The following PINX1 variants were observed in gnomAD, a reference collection of about 807,000 sequenced individuals.
PINX1 encodes the protein PIN2 (TERF1) interacting telomerase inhibitor 1.
In PINX1, 34 loss-of-function variants were observed where a neutral mutation model predicts 25.4. That is an observed-to-expected ratio of 1.34 (90% confidence interval 1.02 to 1.78). The LOEUF (loss-of-function observed/expected upper bound fraction) is 1.78. PINX1 is among the 40% of genes most tolerant of loss of function. The pLI, the probability that PINX1 is intolerant of heterozygous loss-of-function variation, is 0.00. For missense variants in PINX1, 592 were observed against 404.9 expected (o/e 1.46, Z -3.97); for synonymous variants, 197 against 147.7 (o/e 1.33, Z -2.42).
At position 10,817,019 on chromosome 8, in the gene PINX1, G is replaced by A. The variant is rs963776840; in HGVS notation, c.471+3174C>T. Among the ~76,000 whole-genome samples, 4 of 152,322 alleles carry A rather than the reference G, an allele frequency of 2.6e-5. No individual in the cohort carries two copies. In the South Asian group the frequency reaches 8.3e-4, roughly 32 times the overall value. On this transcript the variant is annotated intron_variant, in intron 6 of 6. Transcript: ENST00000314787. ...TTAATAAAATTGGAATTCTACGATGGCAGTCAGGAGCTGTAGAAATTAAAA... is the reference window on the plus strand; with the variant it reads ...TTAATAAAATTGGAATTCTACGATGACAGTCAGGAGCTGTAGAAATTAAAA...
chr8:10,834,985 G>A (rs1409820289), intron 1 of PINX1, among the ~76,000 whole-genome samples: 10 of 152,162 alleles, frequency 6.6e-5, no homozygotes, highest in Admixed American at 3.9e-4. Flanking sequence ...AGACATATAA[G>A]TTGACCTCTT....
rs1174776901 is a variant in PINX1, at chr8:10,765,868, T to C, written c.520A>G (p.Ser174Gly). ...AAGTACTCCTGGATGGTGAAGGCGC[T>C]GGTTGTCGTGGTTTCGTTCTCCTCT... Reference protein sequence around the residue: ...TPEENETTTTSAFTIQEYFAK... With the variant: ...TPEENETTTTGAFTIQEYFAK... Residue 174 changes from serine (S) to glycine (G), a missense_variant, in exon 7 of 7, where the codon AGC becomes GGC. Transcript: ENST00000314787. The C allele has an allele frequency of 1.9e-6, 3 of 1,613,922 alleles. No homozygotes were observed. Among genetic ancestry groups the C allele is most frequent in the Non-Finnish European group, 2.5e-6 (3 of 1,179,884 alleles).
chr8:10,825,693 C>T (rs749191248), intron 5 of PINX1, among the ~76,000 whole-genome samples: 1 of 152,180 alleles, frequency 6.6e-6, no homozygotes, highest in Admixed American at 6.5e-5. Flanking sequence ...AATAAAGGGT[C>T]AACCAGGGAG....
chr8:10,772,740 G>C (rs1801267399), intron 6 of PINX1, among the ~76,000 whole-genome samples: 1 of 152,136 alleles, frequency 6.6e-6, no homozygotes, highest in Non-Finnish European at 1.5e-5. Context: ...AAAAAGCAAA[G>C]ATACAATAAC....
chr8:10,804,505 G>A (rs1304681411), intron 6 of PINX1, among the ~76,000 whole-genome samples: 1 of 152,124 alleles, frequency 6.6e-6, no homozygotes, highest in African/African-American at 2.4e-5. Context: ...AGCTGCATCT[G>A]TCATACGCTG....
intron 6 of PINX1, among the ~76,000 whole-genome samples, chr8:10,803,421 C>A (rs1273023564): frequency 2.0e-5 from 3 of 152,188 alleles, no homozygotes. Context: ...TTAAATAAAG[C>A]CTACACTAGC....
intron 1 of PINX1, among the ~76,000 whole-genome samples, chr8:10,838,460 T>C (rs1563243639): frequency 6.6e-6 from 1 of 152,246 alleles, no homozygotes; most frequent in Non-Finnish European, 1.5e-5. Context: ...ACTATGTTCA[T>C]GTTCACCATC....
intron 6 of PINX1, among the ~76,000 whole-genome samples, chr8:10,784,209 G>C (rs1260929577): frequency 6.6e-6 from 1 of 152,190 alleles, no homozygotes; most frequent in East Asian, 1.9e-4. Flanking sequence ...ATGAGAGTGA[G>C]GAGGCTGATC....
At chr8:10,836,865 G>A (rs993345498) in intron 1 of PINX1, among the ~76,000 whole-genome samples, 2 of 152,186 alleles carry the variant, frequency 1.3e-5, no homozygotes, top group Admixed American at 1.3e-4. Context: ...TGCTTCCCTG[G>A]AACATTTCCC....
intron 3 of PINX1, among the ~76,000 whole-genome samples, 172 bp from the exon 4 acceptor site, chr8:10,831,915 A>G (rs941771716): frequency 7.2e-5 from 11 of 152,336 alleles, no homozygotes; most frequent in African/African-American, 2.6e-4. Context: ...ATAAAGTTAA[A>G]ATGCTCTTTA....
At chr8:10,831,077 T>A (rs1456318485) in intron 4 of PINX1, among the ~76,000 whole-genome samples, 3 of 152,214 alleles carry the variant, frequency 2.0e-5, no homozygotes, top group Non-Finnish European at 4.4e-5. Context: ...CTGGGAAACA[T>A]GTGGTGCATA....
chr8:10,775,414 T>TG (rs1801359312), intron 6 of PINX1, among the ~76,000 whole-genome samples: 1 of 91,720 alleles, frequency 1.1e-5, no homozygotes, highest in African/African-American at 3.9e-5. Flanking sequence ...TTTGTGGTTT[T>TG]TTTTTTTTTT....
intron 6 of PINX1, chr8:10,787,724 C>A: frequency 2.3e-6 from 1 of 443,932 alleles, no homozygotes; most frequent in Non-Finnish European, 4.5e-6. Context: ...GGTCTCTTTA[C>A]GAAGTGAATA....
chr8:10,814,662 T>C (rs1162127822), intron 6 of PINX1, among the ~76,000 whole-genome samples: 2 of 152,214 alleles, frequency 1.3e-5, no homozygotes, highest in South Asian at 2.1e-4. Context: ...AGAGAAGAAA[T>C]ACTTATTTAT....
At chr8:10,837,341 G>A (rs944352609) in intron 1 of PINX1, among the ~76,000 whole-genome samples, 4 of 152,228 alleles carry the variant, frequency 2.6e-5, no homozygotes, top group Non-Finnish European at 4.4e-5. Flanking sequence ...GTGACTCCCT[G>A]GGGGAGGGCT....
intron 6 of PINX1, among the ~76,000 whole-genome samples, chr8:10,770,551 G>C (rs1403323940): frequency 6.6e-6 from 1 of 152,218 alleles, no homozygotes; most frequent in African/African-American, 2.4e-5. Flanking sequence ...CTACATGAGT[G>C]AGTATCTGCG....
chr8:10,768,639 G>A (rs1319450923), intron 6 of PINX1, among the ~76,000 whole-genome samples: 3 of 152,144 alleles, frequency 2.0e-5, no homozygotes, highest in Admixed American at 6.5e-5. Context: ...TGCTTAATGC[G>A]GGGGTAGCCA....
intron 6 of PINX1, among the ~76,000 whole-genome samples, chr8:10,804,499 G>A (rs1802375087): frequency 6.6e-6 from 1 of 152,108 alleles, no homozygotes; most frequent in South Asian, 2.1e-4. Context: ...TAAGGGAGCT[G>A]CATCTGTCAT....
chr8:10,811,219 C>G (rs1797512568), intron 6 of PINX1, among the ~76,000 whole-genome samples: 1 of 152,204 alleles, frequency 6.6e-6, no homozygotes, highest in Non-Finnish European at 1.5e-5. Flanking sequence ...TGCCCCAAAT[C>G]ACACAGTCTT....
Sources: gnomAD v4.1 joint callset for allele counts (sites outside exome capture counted in the v4.1 genomes callset) on GRCh38, gnomAD v4.1.1 for gene constraint, MANE v1.5 for transcripts, NCBI Gene and HGNC (gene_info 2026-07-23, HGNC 2026-07-21) for gene names.